Variants in PCDH15 observed in about 807,000 individuals in gnomAD.
The protein encoded by PCDH15 is protocadherin-15.
Under a neutral mutation model 178.5 loss-of-function variants are expected in PCDH15, and 129 were observed. The ratio of observed to expected loss-of-function variants is 0.72; its 90% CI spans 0.63 to 0.84. The LOEUF is 0.84. Ranked by LOEUF, PCDH15 falls within the 40% of genes least tolerant of loss-of-function variation. The pLI, the probability that PCDH15 is intolerant of heterozygous loss-of-function variation, is 0.00. For synonymous variants in PCDH15, 800 were observed against 732.0 expected (o/e 1.09, Z -1.50); for missense variants, 2,230 against 2,099.9 (o/e 1.06, Z -1.21).
chr10:54,514,582 A>G (rs1276680438), intron 3 of PCDH15, among the ~76,000 whole-genome samples: 2 of 151,500 alleles, frequency 1.3e-5, no homozygotes, highest in African/African-American at 4.8e-5. Flanking sequence ...TAAAAATTAT[A>G]TTTTGTGAGA....
chr10:55,522,302 A>G (rs866246877), intron 2 of PCDH15, among the ~76,000 whole-genome samples: 9 of 151,832 alleles, frequency 5.9e-5, no homozygotes, highest in Non-Finnish European at 8.8e-5. Context: ...AGAGATGGCG[A>G]ACACATTTTT....
At chr10:55,204,168 A>T (rs1335405894) in intron 1 of PCDH15, among the ~76,000 whole-genome samples, 1 of 148,736 alleles carries the variant, frequency 6.7e-6, no homozygotes, top group Non-Finnish European at 1.5e-5. Flanking sequence ...TATTTAAAGG[A>T]TTTTATACTA....
In PCDH15 at chr10:55,278,993, G is replaced by A. The variant is rs984946313; in HGVS notation, c.-156+40606C>T. ...TTCTCAAACTTCATTTTAGTCTGCA[G>A]TGTTAACATTCCAGCATTTACGTGA... On this transcript the variant is annotated intron_variant, in intron 1 of 5. Transcript: ENST00000458638. Among the ~76,000 whole-genome samples the A allele has an allele frequency of 2.6e-5, 4 of 152,244 alleles. No homozygotes were observed. The East Asian group carries it at 7.7e-4, about 29-fold the overall frequency.
intron 18 of PCDH15, among the ~76,000 whole-genome samples, chr10:54,032,688 G>A (rs1030750106): frequency 6.6e-6 from 1 of 151,932 alleles, no homozygotes; most frequent in Non-Finnish European, 1.5e-5. Context: ...ATTAAACTTT[G>A]TCCTTTTGTT....
intron 3 of PCDH15, among the ~76,000 whole-genome samples, chr10:54,428,730 C>T (rs1369405330): frequency 6.6e-6 from 1 of 152,138 alleles, no homozygotes; most frequent in Admixed American, 6.5e-5. Flanking sequence ...AATGGAGCTT[C>T]AGTATATCTG....
intron 13 of PCDH15, among the ~76,000 whole-genome samples, chr10:54,163,772 TACTCAG>T (rs2045943798): frequency 1.3e-5 from 2 of 152,160 alleles, no homozygotes; most frequent in Non-Finnish European, 2.9e-5. Flanking sequence ...AACTTGGCAT[TACTCAG>T]GAATGATTAC....
intron 32 of PCDH15, among the ~76,000 whole-genome samples, chr10:53,825,816 A>AACTTACTT (rs200685122): frequency 3.6e-4 from 55 of 151,550 alleles, no homozygotes; most frequent in African/African-American, 1.2e-3. Flanking sequence ...AAATATGTAG[A>AACTTACTT]ACTTACTTAA....
At chr10:54,743,631 C>G (rs145536811) in intron 1 of PCDH15, among the ~76,000 whole-genome samples, 1,824 of 151,844 alleles carry the variant, frequency 0.012, 39 homozygotes, top group African/African-American at 0.042. Context: ...AAATTACCAC[C>G]ACTTGAAAGA....
At chr10:54,164,316 G>A (rs571803505) in intron 13 of PCDH15, among the ~76,000 whole-genome samples, 14 of 152,204 alleles carry the variant, frequency 9.2e-5, no homozygotes, top group Admixed American at 2.0e-4. Flanking sequence ...CAGCTCTATC[G>A]TGTGATAAGG....
intron 30 of PCDH15, among the ~76,000 whole-genome samples, chr10:53,830,451 A>AAATAGC (rs1171371252): frequency 1.3e-5 from 2 of 152,036 alleles, no homozygotes; most frequent in African/African-American, 4.8e-5. Flanking sequence ...ACTGTCTGCT[A>AAATAGC]TTTATTTTCT....
At chr10:55,171,491 C>A (rs1839330203) in intron 1 of PCDH15, among the ~76,000 whole-genome samples, 1 of 151,916 alleles carries the variant, frequency 6.6e-6, no homozygotes, top group Non-Finnish European at 1.5e-5. Context: ...GAAATCCCCA[C>A]TTATTTTAGG....
chr10:54,836,064 A>G (rs1456343601), intron 3 of PCDH15, among the ~76,000 whole-genome samples: 1 of 152,206 alleles, frequency 6.6e-6, no homozygotes, highest in Admixed American at 6.6e-5. Context: ...TGCAACACAA[A>G]AAAGTTCCTA....
At chr10:54,996,981 C>T (rs998388539) in intron 2 of PCDH15, among the ~76,000 whole-genome samples, 5 of 151,494 alleles carry the variant, frequency 3.3e-5, no homozygotes, top group South Asian at 2.1e-4. Context: ...TAGTGGCGGG[C>T]GCCTGCAATC....
chr10:55,040,302 C>T (rs1840833832), intron 2 of PCDH15, among the ~76,000 whole-genome samples: 1 of 152,020 alleles, frequency 6.6e-6, no homozygotes, highest in Admixed American at 6.6e-5. Flanking sequence ...AGAAAACAGA[C>T]AGGCTGACAC....
intron 13 of PCDH15, among the ~76,000 whole-genome samples, chr10:54,178,296 G>A (rs1294184508): frequency 6.6e-6 from 1 of 152,110 alleles, no homozygotes; most frequent in Admixed American, 6.6e-5. Flanking sequence ...GATAAATACA[G>A]ATAGAAATAT....
intron 21 of PCDH15, among the ~76,000 whole-genome samples, chr10:53,971,033 C>A (rs1217870574): frequency 1.3e-5 from 2 of 152,116 alleles, no homozygotes; most frequent in Non-Finnish European, 2.9e-5. Context: ...ATGTGAAAAT[C>A]CTAAACAAAA....
intron 3 of PCDH15, among the ~76,000 whole-genome samples, chr10:54,859,997 GC>G (rs1257728240): frequency 6.6e-6 from 1 of 151,888 alleles, no homozygotes; most frequent in Non-Finnish European, 1.5e-5. Context: ...GACTTACCAT[GC>G]AACTCCAGCT....
In PCDH15 at chr10:54,170,495, C is replaced by T. The variant is rs533599259; in HGVS notation, c.1590+12949G>A. Among the ~76,000 whole-genome samples the T allele has an allele frequency of 4.7e-3, 715 of 151,732 alleles. 21 individuals are homozygous for T. The highest frequency in any genetic ancestry group is 0.016 in the African/African-American group (671 of 41,064). ...CTACAGTTCTCATAACTTCCAAAAC[C>T]TATTTTCTTCCTCATACCTGATGCA... On this transcript the variant is annotated intron_variant, in intron 13 of 37. Coordinates refer to ENST00000644397, the MANE Select transcript of PCDH15 (RefSeq NM_001384140.1).
rs74379093 is a variant in PCDH15, at chr10:53,830,920, G to A, written c.4202+395C>T. 2.5e-3 allele frequency among the ~76,000 whole-genome samples: 381 copies of A among 152,282 alleles called. 10 individuals carry two copies. In the East Asian group the frequency reaches 0.039, roughly 16 times the overall value. On this transcript the variant is annotated intron_variant, in intron 30 of 37. Transcript: ENST00000644397. ...TAAAAACCTATCATGACAATGTCGC[G>A]AAGTTATTGACCTTCCTTTGGAGCT...
Sources: allele counts gnomAD v4.1 joint callset (sites outside exome capture counted in the v4.1 genomes callset), GRCh38; gene constraint gnomAD v4.1.1; transcripts MANE v1.5; gene names NCBI Gene and HGNC (gene_info 2026-07-23, HGNC 2026-07-21).